Variants in SASH1 observed in about 807,000 individuals in gnomAD.
SASH1 encodes SAM and SH3 domain-containing protein 1.
Under a neutral mutation model 125.2 loss-of-function variants are expected in SASH1, and 44 were observed. The observed-to-expected ratio is 0.35, with a 90% CI of 0.28 to 0.45. SASH1 has a LOEUF of 0.45. SASH1 is among the 20% of genes least tolerant of loss of function. The pLI is 1.00. For missense variants in SASH1, 1,426 were observed against 1,614.5 expected (o/e 0.88, Z 2.00); for synonymous variants, 639 against 649.1 (o/e 0.98, Z 0.24).
In SASH1 at chr6:148,540,508, T is replaced by A; in HGVS notation, c.2161T>A (p.Ser721Thr). 1 of 1,613,952 alleles carries A rather than the reference T, an allele frequency of 6.2e-7. No individual in the cohort carries two copies. The highest frequency in any genetic ancestry group is 1.3e-5 in the African/African-American group (1 of 74,996). ...TGACAGCCAGGGCCTGAGTGGATGC[T>A]CACCCCGAGACTCAGGATGCTACGA... is the stretch of plus-strand genomic sequence containing the variant. ...LVDSQGLSGC[S>T]PRDSGCYESS... Residue 721 changes from serine (S) to threonine (T), a missense_variant, in exon 17 of 20, where the codon TCA becomes ACA. By Grantham distance (58) the Ser-to-Thr change is moderately conservative. This residue lies in a region of SASH1 where 634 missense variants were observed against 694.4 expected (regional missense o/e 0.91). Coordinates refer to ENST00000367467, the MANE Select transcript of SASH1 (RefSeq NM_015278.5).
At chr6:148,242,900 C>T in the SASH1 span, among the ~76,000 whole-genome samples, 1 of 152,098 alleles carries the variant, frequency 6.6e-6, no homozygotes, top group Non-Finnish European at 1.5e-5. Context: ...AATCTGTGTT[C>T]TCCAGTTTAT....
chr6:148,314,102 C>T (rs996262256), intron 1 of SASH1, among the ~76,000 whole-genome samples: 28 of 152,126 alleles, frequency 1.8e-4, no homozygotes, highest in African/African-American at 5.8e-4. Flanking sequence ...GTAGCCCAAG[C>T]GACACTGGGA....
the SASH1 span, among the ~76,000 whole-genome samples, chr6:148,258,602 C>G: frequency 6.6e-6 from 1 of 152,128 alleles, no homozygotes; most frequent in Non-Finnish European, 1.5e-5. Context: ...AAATTACTGT[C>G]TCAGCAGCCC....
At chr6:148,344,755 C>CTTTTTTTTTTT (rs762490919) in intron 1 of SASH1, among the ~76,000 whole-genome samples, 1 of 143,530 alleles carries the variant, frequency 7.0e-6, no homozygotes, top group African/African-American at 2.6e-5. Context: ...TTTTTCTTTT[C>CTTTTTTTTTTT]TTTTTTTTTT....
At chr6:148,546,802 A>C (rs1233295223) in intron 19 of SASH1, among the ~76,000 whole-genome samples, 1 of 152,176 alleles carries the variant, frequency 6.6e-6, no homozygotes, top group East Asian at 1.9e-4. Flanking sequence ...TTCTCTGCAC[A>C]TGCGTAATGT....
At chr6:148,206,831 A>ACACACACACACAC in the SASH1 span, among the ~76,000 whole-genome samples, 1 of 151,224 alleles carries the variant, frequency 6.6e-6, no homozygotes, top group African/African-American at 2.4e-5. Context: ...ACACACACAC[A>ACACACACACACAC]AATTAACATA....
At chr6:148,341,583 G>C (rs887073397), upstream of SASH1, among the ~76,000 whole-genome samples, 5 of 152,054 alleles carry the variant, frequency 3.3e-5, no homozygotes, top group African/African-American at 4.8e-5. Flanking sequence ...ATTGATTGGT[G>C]CTCACAGCAC....
intron 7 of SASH1, among the ~76,000 whole-genome samples, chr6:148,478,358 G>C (rs1049007077): frequency 2.6e-5 from 4 of 152,154 alleles, no homozygotes; most frequent in South Asian, 2.1e-4. Context: ...AAAAGAATGA[G>C]TCTCTGTCAT....
At chr6:148,491,887 G>A (rs757755506) in intron 8 of SASH1, among the ~76,000 whole-genome samples, 14 of 152,200 alleles carry the variant, frequency 9.2e-5, no homozygotes, top group Non-Finnish European at 1.6e-4. Context: ...CAAAAGAGCC[G>A]TGTCCATGGT....
chr6:148,540,451 G>T lies in SASH1; in HGVS notation c.2104G>T (p.Asp702Tyr). The stretch of plus-strand genomic sequence containing the variant: ...CGTGTTCTCTCCTCTAGGTAACAGC[G>T]ACCAGTCAGGATCCCAGGAGAAGCT... ...ELLQEYDSNSDQSGSQEKLLV... is the reference protein window; with the variant it reads ...ELLQEYDSNSYQSGSQEKLLV... Residue 702 changes from aspartate (D) to tyrosine (Y), a missense_variant, in exon 17 of 20, where the codon GAC (aspartate) becomes TAC (tyrosine). Physicochemically the swap from Asp to Tyr is radical, Grantham distance 160. This residue lies in a region of SASH1 where 225 missense variants were observed against 344.5 expected (regional missense o/e 0.65). Coordinates refer to ENST00000367467, the MANE Select transcript of SASH1 (RefSeq NM_015278.5). 2.5e-6 allele frequency: 4 copies of T among 1,613,612 alleles called. No individual in the cohort carries two copies. The South Asian group carries it at 4.4e-5, about 18-fold the overall frequency.
intron 1 of SASH1, among the ~76,000 whole-genome samples, chr6:148,329,547 T>C (rs1474244589): frequency 6.6e-6 from 1 of 152,242 alleles, no homozygotes; most frequent in Non-Finnish European, 1.5e-5. Flanking sequence ...TTTTGATGAT[T>C]TCTTCATAGA....
intron 4 of SASH1, chr6:148,440,621 T>TA (rs1209960061): frequency 2.6e-5 from 15 of 571,394 alleles, no homozygotes; most frequent in Non-Finnish European, 4.3e-5. Flanking sequence ...TGTGAAGAGT[T>TA]ACTGATTTTA....
At chr6:148,452,939 G>A (rs1412040805) in intron 4 of SASH1, among the ~76,000 whole-genome samples, 2 of 152,272 alleles carry the variant, frequency 1.3e-5, no homozygotes, top group Non-Finnish European at 2.9e-5. Context: ...GCGCTGAAGC[G>A]TGCGTTTGTG....
At chr6:148,353,375 A>G (rs1781807896) in intron 1 of SASH1, among the ~76,000 whole-genome samples, 1 of 151,258 alleles carries the variant, frequency 6.6e-6, no homozygotes, top group African/African-American at 2.4e-5. Flanking sequence ...CTGCATTACT[A>G]ATTTTTCATT....
intron 2 of SASH1, among the ~76,000 whole-genome samples, chr6:148,412,605 G>A (rs2114914096): frequency 6.6e-6 from 1 of 152,224 alleles, no homozygotes; most frequent in South Asian, 2.1e-4. Context: ...TTTGGCTCAG[G>A]GTTCTTCAGG....
the SASH1 span, among the ~76,000 whole-genome samples, chr6:148,203,393 C>G: frequency 6.6e-6 from 1 of 152,170 alleles, no homozygotes; most frequent in Non-Finnish European, 1.5e-5. Context: ...TCCCTCCCTT[C>G]CTTTCTGTTT....
chr6:148,399,741 G>A (rs1242322168), intron 2 of SASH1, among the ~76,000 whole-genome samples: 1 of 152,136 alleles, frequency 6.6e-6, no homozygotes, highest in Non-Finnish European at 1.5e-5. Context: ...AGGAACTCAG[G>A]TAAAAGTGGC....
intron 4 of SASH1, among the ~76,000 whole-genome samples, chr6:148,441,567 T>C (rs1021298721): frequency 2.0e-5 from 3 of 152,116 alleles, no homozygotes; most frequent in Admixed American, 6.5e-5. Flanking sequence ...CAAGTTGACA[T>C]TGACTTTGAA....
At chr6:148,508,660 A>G in intron 8 of SASH1, 1 of 1,165,652 alleles carries the variant, frequency 8.6e-7, no homozygotes, top group South Asian at 1.7e-5. Flanking sequence ...AATTGAATCC[A>G]GTGTCTTCCC....
Sources: gnomAD v4.1 joint callset for allele counts (sites outside exome capture counted in the v4.1 genomes callset) on GRCh38, gnomAD v4.1.1 for gene constraint, gnomAD v4.1.1 regional missense constraint, MANE v1.5 for transcripts, NCBI Gene and HGNC (gene_info 2026-07-23, HGNC 2026-07-21) for gene names.